GOLT1A: variants seen among roughly 807,000 people sequenced by gnomAD.
The protein encoded by GOLT1A is vesicle transport protein GOT1A.
Under a neutral mutation model 16.1 loss-of-function variants are expected in GOLT1A, and 10 were observed. The ratio of observed to expected loss-of-function variants is 0.62; its 90% CI spans 0.38 to 1.05. The LOEUF is 1.05. GOLT1A is among the 50% of genes least tolerant of loss of function. The pLI, the probability that GOLT1A is intolerant of heterozygous loss-of-function variation, is 0.01. For synonymous variants in GOLT1A, 60 were observed against 67.9 expected, an observed-to-expected ratio of 0.88 and a Z score of 0.57; for missense variants, 137 against 165.7, an observed-to-expected ratio of 0.83 and a Z score of 0.95.
chr1:204,200,650 GGAA>G (rs1378391310), intron 3 of GOLT1A, among the ~76,000 whole-genome samples: 6 of 152,002 alleles, frequency 3.9e-5, no homozygotes, highest in Non-Finnish European at 5.9e-5. Context: ...ATTTGAATAT[GGAA>G]TAAATAGATG....
intron 1 of GOLT1A, among the ~76,000 whole-genome samples, chr1:204,203,667 C>T (rs572044116): frequency 6.6e-6 from 1 of 152,354 alleles, no homozygotes; most frequent in African/African-American, 2.4e-5. Context: ...TCCCATTGTC[C>T]TCCCTCCCTC....
In GOLT1A at chr1:204,202,996, G is replaced by A; in HGVS notation, c.26-9C>T. 1 of 1,612,130 alleles carries A rather than the reference G, an allele frequency of 6.2e-7. No homozygotes were observed. The highest frequency in any genetic ancestry group is 8.5e-7 in the Non-Finnish European group (1 of 1,178,298). On this transcript the variant is annotated splice_polypyrimidine_tract_variant and intron_variant, in intron 1 of 4. Transcript: ENST00000308302. ...GATCCCCACACCAATCTCTGCAATGGGCAAGGAGGTGGTGGAGGAAAGGGC... is the reference window on the plus strand; with the variant it reads ...GATCCCCACACCAATCTCTGCAATGAGCAAGGAGGTGGTGGAGGAAAGGGC...
intron 1 of GOLT1A, among the ~76,000 whole-genome samples, chr1:204,207,258 C>T (rs904094208): frequency 3.3e-5 from 5 of 152,228 alleles, no homozygotes; most frequent in Admixed American, 6.5e-5. Context: ...TTGGGCAGCG[C>T]GCCCTCTGCT....
At chr1:204,205,417 G>A (rs28415296) in intron 1 of GOLT1A, among the ~76,000 whole-genome samples, 12,849 of 152,142 alleles carry the variant, frequency 0.084, 821 homozygotes, top group African/African-American at 0.17. Context: ...TGGAAAGACT[G>A]TTCTTTCCCC....
At chr1:204,203,493 G>A (rs192258427) in intron 1 of GOLT1A, among the ~76,000 whole-genome samples, 19 of 152,256 alleles carry the variant, frequency 1.2e-4, no homozygotes, top group South Asian at 6.2e-4. Context: ...AGGCTGGCCC[G>A]CCTGAGCAAC....
chr1:204,208,159 A>G (rs1659072953), intron 1 of GOLT1A, among the ~76,000 whole-genome samples: 1 of 152,074 alleles, frequency 6.6e-6, no homozygotes, highest in African/African-American at 2.4e-5. Flanking sequence ...ACTACTGGGT[A>G]TCTCCCCGGA....
chr1:204,208,503 A>ATAT (rs1355316440), intron 1 of GOLT1A, among the ~76,000 whole-genome samples: 647 of 50,820 alleles, frequency 0.013, 35 homozygotes, highest in African/African-American at 0.031. Flanking sequence ...TATATATATA[A>ATAT]AAAATGAACT....
At chr1:204,213,756 A>T in intron 1 of GOLT1A, 126 bp downstream of exon 1, 1 of 1,102,546 alleles carries the variant, frequency 9.1e-7, no homozygotes, top group Non-Finnish European at 1.3e-6. Context: ...GTGCCAGCAC[A>T]GCATCTCCCA....
chr1:204,201,906 T>C, intron 2 of GOLT1A, 95 bp from the exon 3 acceptor site: 6 of 1,119,018 alleles, frequency 5.4e-6, no homozygotes, highest in Non-Finnish European at 7.8e-6. Context: ...TGGGACAGGA[T>C]GTGCTAACTG....
rs149764346 is a variant in GOLT1A, at chr1:204,202,961, C to T, written c.52G>A (p.Gly18Ser). The change falls in exon 2 of 5, where the codon GGC becomes AGC. Residue 18 changes from glycine to serine, a missense_variant. Physicochemically the swap from Gly to Ser is moderately conservative, Grantham distance 56. Transcript: ENST00000308302. ...QKIGVGITGF[G>S]IFFILFGTLL... ...GTTCCAAAGAGGATGAAGAAGATGCCGAAACCGGTGATCCCCACACCAATC... is the reference window on the plus strand; with the variant it reads ...GTTCCAAAGAGGATGAAGAAGATGCTGAAACCGGTGATCCCCACACCAATC... 3.1e-5 allele frequency: 50 copies of T among 1,613,832 alleles called. No homozygotes were observed. The highest frequency in any genetic ancestry group is 3.3e-4 in the Middle Eastern group (2 of 6,076).
intron 1 of GOLT1A, among the ~76,000 whole-genome samples, chr1:204,207,534 A>G (rs1278082160): frequency 6.6e-6 from 1 of 152,208 alleles, no homozygotes; most frequent in Non-Finnish European, 1.5e-5. Context: ...CTGACTCCCC[A>G]TTTTGTGGCT....
In GOLT1A at chr1:204,201,707, A is replaced by C. The variant is rs1557985098; in HGVS notation, c.222T>G (p.Gly74=). The C allele has an allele frequency of 6.2e-7, 1 of 1,613,284 alleles. No homozygotes were observed. Among genetic ancestry groups the C allele is most frequent in the East Asian group, 2.2e-5 (1 of 44,840 alleles). Reference sequence around the variant, plus strand: ...GCCAGCGTAGGAGCACGATAACCACACCCCCCAGGAGGAAGCTGGTTCCCT... The same window carrying C: ...GCCAGCGTAGGAGCACGATAACCACCCCCCCCAGGAGGAAGCTGGTTCCCT... ...KLKGTSFLLG[G]VVIVLLRWPL... Residue 74 remains glycine (G), a synonymous_variant, in exon 3 of 5, where the codon GGT becomes GGG. Transcript: ENST00000308302.
chr1:204,208,458 ACTTGTGTGTG>A (rs1557987241), intron 1 of GOLT1A, among the ~76,000 whole-genome samples: 10 of 60,416 alleles, frequency 1.7e-4, no homozygotes, highest in Admixed American at 3.5e-4. Flanking sequence ...ATATATGTAT[ACTTGTGTGTG>A]TGTGTGTGTA....
intron 1 of GOLT1A, among the ~76,000 whole-genome samples, chr1:204,206,122 T>C (rs1301176250): frequency 1.3e-5 from 2 of 152,224 alleles, no homozygotes; most frequent in Non-Finnish European, 2.9e-5. Flanking sequence ...ATTCAAATTA[T>C]AGACTGAAAC....
At chr1:204,201,845 C>T (rs771096189) in intron 2 of GOLT1A, 34 bp from the exon 3 acceptor site, 54 of 1,602,170 alleles carry the variant, frequency 3.4e-5, no homozygotes, top group Middle Eastern at 3.4e-4. Context: ...GAAGCAAACC[C>T]ACCAGCCCCC....
At chr1:204,201,575 T>TC in intron 3 of GOLT1A, 58 bp downstream of exon 3, 1 of 1,554,522 alleles carries the variant, frequency 6.4e-7, no homozygotes, top group Non-Finnish European at 8.8e-7. Context: ...GCTGGGGTGA[T>TC]CTCAGCCACT....
At chr1:204,208,075 T>C (rs1659072142) in intron 1 of GOLT1A, among the ~76,000 whole-genome samples, 1 of 152,110 alleles carries the variant, frequency 6.6e-6, no homozygotes, top group Non-Finnish European at 1.5e-5. Flanking sequence ...TAAACTAGAA[T>C]AGCCACTATG....
At position 204,198,393 on chromosome 1, in the gene GOLT1A, G is replaced by A; in HGVS notation, c.*65C>T. On this transcript the variant is annotated 3_prime_UTR_variant, in exon 5 of 5. Coordinates refer to ENST00000308302, the MANE Select transcript of GOLT1A (RefSeq NM_198447.2). ...AGTCAGTGCAGGGGACTGAGGGGGTGGTTCCCATTCTCCCTCTAGCCCCCT... is the reference window on the plus strand; with the variant it reads ...AGTCAGTGCAGGGGACTGAGGGGGTAGTTCCCATTCTCCCTCTAGCCCCCT... The A allele has an allele frequency of 1.4e-6, 2 of 1,427,944 alleles. No homozygotes were observed. The highest frequency in any genetic ancestry group is 2.0e-6 in the Non-Finnish European group (2 of 1,012,256). 88.5% of individuals were successfully genotyped at this position (1,427,944 alleles called of 1,614,324 possible).
Position 204,198,494 on chromosome 1 carries a change from C to G in GOLT1A, c.363G>C (p.Leu121=). 1 of 1,613,258 alleles carries G rather than the reference C, an allele frequency of 6.2e-7. No individual in the cohort carries two copies. Among genetic ancestry groups the G allele is most frequent in the Non-Finnish European group, 8.5e-7 (1 of 1,179,634 alleles). Residue 121 remains leucine, a splice_region_variant and synonymous_variant, in exon 5 of 5, where the codon CTG becomes CTC. Coordinates refer to ENST00000308302, the MANE Select transcript of GOLT1A (RefSeq NM_198447.2). ...AGCTAGTGCCTTGAAGTCTCCGGAA[C>G]AGCTGTGGGAGCCAAGAATCATTAC... ...NVCNIPFLGA[L]FRRLQGTSSM...
Sources: gnomAD v4.1 joint callset for allele counts (sites outside exome capture counted in the v4.1 genomes callset) on GRCh38, gnomAD v4.1.1 for gene constraint, MANE v1.5 for transcripts, NCBI Gene and HGNC (gene_info 2026-07-23, HGNC 2026-07-21) for gene names.